The following ROCK2 variants were observed in gnomAD, a reference collection of about 807,000 sequenced individuals.
The protein encoded by ROCK2 is rho-associated protein kinase 2.
ROCK2 carries 61 observed loss-of-function variants against 195.1 expected under a neutral mutation model. The observed-to-expected ratio is 0.31, with a 90% CI of 0.25 to 0.39. ROCK2 has a LOEUF of 0.39. Among genes scored for constraint, ROCK2 ranks in the 10% least tolerant of loss-of-function variants. The pLI, the probability that ROCK2 is intolerant of heterozygous loss-of-function variation, is 1.00. For missense variants in ROCK2, 1,109 were observed against 1,637.4 expected, an observed-to-expected ratio of 0.68 and a Z score of 5.57; for synonymous variants, 504 against 545.5, an observed-to-expected ratio of 0.92 and a Z score of 1.06.
At chr2:11,240,454 C>T in intron 4 of ROCK2, among the ~76,000 whole-genome samples, 1 of 152,306 alleles carries the variant, frequency 6.6e-6, no homozygotes, top group East Asian at 1.9e-4. Context: ...TGAAGTATAA[C>T]AAACGTTACA....
intron 3 of ROCK2, among the ~76,000 whole-genome samples, chr2:11,258,439 T>A (rs1259796389): frequency 2.0e-5 from 3 of 151,476 alleles, no homozygotes; most frequent in Non-Finnish European, 4.4e-5. Flanking sequence ...CTGCTCTTAG[T>A]TAATTCTTTT....
At chr2:11,279,328 G>A (rs1317669987) in intron 3 of ROCK2, among the ~76,000 whole-genome samples, 1 of 152,070 alleles carries the variant, frequency 6.6e-6, no homozygotes, top group Admixed American at 6.5e-5. Context: ...AAAAGTAGAT[G>A]GATGGAAAAA....
At chr2:11,206,495 T>C (rs73917507) in intron 20 of ROCK2, among the ~76,000 whole-genome samples, 3,864 of 152,338 alleles carry the variant, frequency 0.025, 70 homozygotes, top group East Asian at 0.053. Flanking sequence ...CAAAGATGTC[T>C]GATTACTGTT....
intron 1 of ROCK2, chr2:11,307,971 T>C: frequency 6.8e-7 from 1 of 1,478,236 alleles, no homozygotes; most frequent in Non-Finnish European, 8.9e-7. Context: ...GATGGCGCCC[T>C]AGAACCCGGC....
intron 32 of ROCK2, chr2:11,184,696 C>T (rs2070190734): frequency 1.0e-6 from 1 of 983,376 alleles, no homozygotes; most frequent in Non-Finnish European, 1.2e-6. Context: ...TCAAAAACAT[C>T]GTCATCATCA....
chr2:11,231,250 C>T (rs1319436853), intron 5 of ROCK2, among the ~76,000 whole-genome samples: 1 of 151,018 alleles, frequency 6.6e-6, no homozygotes, highest in Admixed American at 6.6e-5. Flanking sequence ...GTCACCCAGG[C>T]TGGAGCACAG....
intron 4 of ROCK2, 144 bp downstream of exon 4, chr2:11,249,517 A>T (rs1191208621): frequency 8.7e-6 from 5 of 577,840 alleles, no homozygotes; most frequent in Non-Finnish European, 1.4e-5. Flanking sequence ...AACATTAAAC[A>T]AATGTTTTGA....
chr2:11,288,351 A>G (rs1667262831), intron 1 of ROCK2, among the ~76,000 whole-genome samples: 1 of 152,240 alleles, frequency 6.6e-6, no homozygotes, highest in African/African-American at 2.4e-5. Context: ...AAAACTCACC[A>G]GAAAGTAATT....
chr2:11,223,705 T>C (rs763576427), intron 7 of ROCK2, among the ~76,000 whole-genome samples: 2 of 152,114 alleles, frequency 1.3e-5, no homozygotes, highest in Non-Finnish European at 2.9e-5. Context: ...TTTGACAGGA[T>C]GACTCCTATC....
chr2:11,276,534 C>T (rs1300985612), intron 3 of ROCK2, among the ~76,000 whole-genome samples: 1 of 152,084 alleles, frequency 6.6e-6, no homozygotes, highest in Non-Finnish European at 1.5e-5. Flanking sequence ...GTAAATGGAA[C>T]CCAGTCCCTT....
chr2:11,240,853 C>T (rs62121447), intron 4 of ROCK2, among the ~76,000 whole-genome samples: 58,948 of 152,082 alleles, frequency 0.39, 13,276 homozygotes, highest in Admixed American at 0.51. Context: ...AGTTATTATA[C>T]CTCAATAAAA....
At chr2:11,268,347 C>A (rs1302793125) in intron 3 of ROCK2, among the ~76,000 whole-genome samples, 1 of 152,136 alleles carries the variant, frequency 6.6e-6, no homozygotes, top group Non-Finnish European at 1.5e-5. Flanking sequence ...CAGAGTCTCA[C>A]AGTAAATATT....
intron 4 of ROCK2, among the ~76,000 whole-genome samples, chr2:11,239,916 A>G (rs1665363296): frequency 6.6e-6 from 1 of 152,224 alleles, no homozygotes; most frequent in Non-Finnish European, 1.5e-5. Flanking sequence ...AGAACTCAGC[A>G]CAGTGCTATA....
chr2:11,187,668 T>C (rs972960892), intron 32 of ROCK2, among the ~76,000 whole-genome samples: 2 of 152,226 alleles, frequency 1.3e-5, no homozygotes, highest in African/African-American at 4.8e-5. Context: ...ATCTTTCTCA[T>C]ATATTTTGGA....
At chr2:11,191,270 A>G (rs893071732) in intron 32 of ROCK2, among the ~76,000 whole-genome samples, 2 of 152,244 alleles carry the variant, frequency 1.3e-5, no homozygotes, top group African/African-American at 2.4e-5. Flanking sequence ...AGAAATGGCT[A>G]TTGTGAATCA....
rs1558285378 is a variant in ROCK2 at position 11,200,982 on chromosome 2, G to GT, written c.2884dup (p.Thr962AsnfsTer11). The GT allele has an allele frequency of 6.3e-7, 1 of 1,594,614 alleles. No individual in the cohort carries two copies. The highest frequency in any genetic ancestry group is 8.5e-7 in the Non-Finnish European group (1 of 1,174,294). On this transcript the variant is annotated frameshift_variant, in exon 23 of 33. Coordinates refer to ENST00000315872, the MANE Select transcript of ROCK2 (RefSeq NM_004850.5). LOFTEE classifies it high-confidence loss of function. ...AGAAGCAATTGTAGCATCTTTTTCC[G>GT]TAAGTTCCTGTTTGTGTCTAGCCAT...
intron 9 of ROCK2, 126 bp downstream of exon 9, chr2:11,221,072 T>C: frequency 1.7e-6 from 1 of 593,306 alleles, no homozygotes; most frequent in Non-Finnish European, 2.7e-6. Flanking sequence ...AGAATTCTTC[T>C]GATGATAGTC....
chr2:11,253,785 T>G (rs532104589), intron 3 of ROCK2, among the ~76,000 whole-genome samples: 8 of 152,372 alleles, frequency 5.3e-5, no homozygotes, highest in African/African-American at 1.9e-4. Context: ...TAAAAAAGAT[T>G]CAGCAGCTAA....
At chr2:11,303,018 C>A (rs573625219) in intron 1 of ROCK2, among the ~76,000 whole-genome samples, 4 of 152,266 alleles carry the variant, frequency 2.6e-5, no homozygotes, top group South Asian at 2.1e-4. Context: ...ACATTCAACA[C>A]TCATTCATTT....
Sources: allele counts gnomAD v4.1 joint callset (sites outside exome capture counted in the v4.1 genomes callset), GRCh38; gene constraint gnomAD v4.1.1; transcripts MANE v1.5; gene names NCBI Gene and HGNC (gene_info 2026-07-23, HGNC 2026-07-21).